MYT1L: variants seen among roughly 807,000 people sequenced by gnomAD.
MYT1L encodes myelin transcription factor 1 like.
Under a neutral mutation model 126.7 loss-of-function variants are expected in MYT1L, and 12 were observed. That is an observed-to-expected ratio of 0.09 (90% CI 0.06 to 0.15). The LOEUF (loss-of-function observed/expected upper bound fraction) is 0.15. Among genes scored for constraint, MYT1L ranks in the 10% least tolerant of loss-of-function variants. The probability of loss-of-function intolerance (pLI) is 1.00; values close to 1 mark genes in which losing one functional copy is unlikely to be tolerated. For synonymous variants in MYT1L, 541 were observed against 604.2 expected (o/e 0.90, Z 1.53); for missense variants, 979 against 1,585.2 (o/e 0.62, Z 6.49).
intron 3 of MYT1L, among the ~76,000 whole-genome samples, chr2:2,103,680 G>A (rs2078390040): frequency 6.6e-6 from 1 of 152,230 alleles, no homozygotes; most frequent in South Asian, 2.1e-4. Context: ...TACATGAGGG[G>A]CCTCTGCCTC....
chr2:1,997,469 C>T (rs1469555720), intron 4 of MYT1L, 122 bp from the exon 5 acceptor site: 1 of 152,472 alleles, frequency 6.6e-6, no homozygotes, highest in Non-Finnish European at 1.5e-5. Flanking sequence ...CTCCAGGAAC[C>T]AAATGTTCTC....
At chr2:2,149,458 C>A (rs531828819) in intron 3 of MYT1L, among the ~76,000 whole-genome samples, 16 of 152,320 alleles carry the variant, frequency 1.1e-4, no homozygotes, top group African/African-American at 3.8e-4. Flanking sequence ...TGCCCAAAGC[C>A]ACCTCGGCCA....
In MYT1L at chr2:2,224,031, A is replaced by G. The variant is rs1425479451; in HGVS notation, c.-420-51043T>C. Among the ~76,000 whole-genome samples, 4 of 152,170 alleles carry G rather than the reference A, an allele frequency of 2.6e-5. No homozygotes were observed. Among genetic ancestry groups the G allele is most frequent in the South Asian group, 4.1e-4 (2 of 4,830 alleles). ...GTGGAGTGTGTATGTTGTGTGAGGT[A>G]ACTTTAAGGTGTCCATCTAAATGCA... On this transcript the variant is annotated intron_variant, in intron 2 of 24. Transcript: ENST00000647738. This position sits in a 1 kb window ranked among gnomAD's most constrained non-coding sequence, Gnocchi z 4.0.
rs969453033 is a variant in MYT1L, at chr2:1,929,087, G to A, written c.506-5824C>T. 3.9e-5 allele frequency among the ~76,000 whole-genome samples: 6 copies of A among 152,176 alleles called. No homozygotes were observed. Among genetic ancestry groups the A allele is most frequent in the Non-Finnish European group, 7.4e-5 (5 of 68,026 alleles). ...CCCCTGGCCAGGACCAGGCGGAGAA[G>A]CGTGAGTTCATTTCCCTCTCGCTTC... On this transcript the variant is annotated intron_variant, in intron 9 of 24. Transcript: ENST00000647738. The surrounding 1 kb of genome is among the most constrained non-coding windows in gnomAD (Gnocchi z 4.7).
chr2:1,935,618 G>A (rs921748819), intron 9 of MYT1L, among the ~76,000 whole-genome samples: 4 of 152,186 alleles, frequency 2.6e-5, no homozygotes, highest in Non-Finnish European at 4.4e-5. Flanking sequence ...GGAAGGGCAC[G>A]TACTATTATC....
intron 3 of MYT1L, among the ~76,000 whole-genome samples, chr2:2,075,819 A>G (rs1217771602): frequency 6.6e-6 from 1 of 152,272 alleles, no homozygotes; most frequent in African/African-American, 2.4e-5. Context: ...TTCACCCAAG[A>G]GAAACTGGAA....
intron 3 of MYT1L, among the ~76,000 whole-genome samples, chr2:2,094,246 G>C (rs1260387325): frequency 6.6e-6 from 1 of 152,116 alleles, no homozygotes; most frequent in East Asian, 1.9e-4. Flanking sequence ...TTAGAATGGC[G>C]ATCATTAAAA....
At position 1,892,094 on chromosome 2, in the gene MYT1L, G is replaced by A. The variant is rs1419781243; in HGVS notation, c.2226C>T (p.Arg742=). 2 of 1,544,114 alleles carry A rather than the reference G, an allele frequency of 1.3e-6. No homozygotes were observed. Among genetic ancestry groups the A allele is most frequent in the Admixed American group, 2.0e-5 (1 of 50,958 alleles). The part of the protein sequence containing the change: ...AATAILNLST[R]CREMPQNLST... ...TCAGGTTCTGCGGCATCTCGCGGCA[G>A]CGCGTGGACAGGTTGAGGATGGCGG... Residue 742 remains arginine, a synonymous_variant, in exon 15 of 25, where the codon CGC becomes CGT. Transcript: ENST00000647738.
intron 2 of MYT1L, among the ~76,000 whole-genome samples, chr2:2,225,238 G>A (rs1290982963): frequency 6.6e-6 from 1 of 151,948 alleles, no homozygotes; most frequent in Admixed American, 6.6e-5. Flanking sequence ...ACCAACCCCA[G>A]GCCTCTTCCA....
At chr2:2,005,328 G>C (rs370369354) in intron 4 of MYT1L, among the ~76,000 whole-genome samples, 5,055 of 129,158 alleles carry the variant, frequency 0.039, 126 homozygotes, top group Non-Finnish European at 0.05. Context: ...TCCTGCGTGC[G>C]TTCTTTCCTG....
rs779748473 is a variant in MYT1L at position 1,798,253 on chromosome 2, T to TCCATCCGGCACAGGCGTGGCGGTCTTCC, written c.3276+3415_3276+3442dup. The stretch of plus-strand genomic sequence containing the variant: ...TCCGGCACAGGCGCGGCGGTCTCCC[T>TCCATCCGGCACAGGCGTGGCGGTCTTCC]CCATCCGGCACAGGCGTGGCGGTCT... On this transcript the variant is annotated intron_variant, in intron 23 of 24. Coordinates refer to ENST00000647738, the MANE Select transcript of MYT1L (RefSeq NM_001303052.2). Among the ~76,000 whole-genome samples the TCCATCCGGCACAGGCGTGGCGGTCTTCC allele has an allele frequency of 7.5e-3, 951 of 127,040 alleles. 9 individuals carry two copies. Among genetic ancestry groups the TCCATCCGGCACAGGCGTGGCGGTCTTCC allele is most frequent in the African/African-American group, 0.018 (608 of 33,164 alleles). 83.3% of individuals were successfully genotyped at this position (127,040 alleles called of 152,430 possible).
At chr2:2,267,011 G>A (rs1011767936) in intron 2 of MYT1L, among the ~76,000 whole-genome samples, 7 of 152,240 alleles carry the variant, frequency 4.6e-5, no homozygotes, top group African/African-American at 1.4e-4. Flanking sequence ...TAAGGAGTAC[G>A]TGGAGAGTGC....
intron 1 of MYT1L, among the ~76,000 whole-genome samples, chr2:2,299,875 G>T (rs1034953998): frequency 6.6e-6 from 1 of 151,960 alleles, no homozygotes. Context: ...TCTTACTTTG[G>T]CACTAGATCA....
chr2:2,059,502 C>T lies in MYT1L; in HGVS notation c.-303-5379G>A, dbSNP rs570461095. On this transcript the variant is annotated intron_variant, in intron 3 of 24. Coordinates refer to ENST00000647738, the MANE Select transcript of MYT1L (RefSeq NM_001303052.2). The surrounding 1 kb of genome is among the most constrained non-coding windows in gnomAD (Gnocchi z 4.7). ...AACCAGGTGCATTGCCCAGTGCTGG[C>T]GGCACTTCATCCCCACTGAGGGTGG... is the stretch of plus-strand genomic sequence containing the variant. Among the ~76,000 whole-genome samples, 15 of 152,284 alleles carry T rather than the reference C, an allele frequency of 9.9e-5. No homozygotes were observed. Among genetic ancestry groups the T allele is most frequent in the East Asian group, 1.9e-4 (1 of 5,174 alleles).
rs2034233578 is a variant in MYT1L at position 1,798,457 on chromosome 2, GAA to G, written c.3276+3237_3276+3238del. 2.6e-5 allele frequency among the ~76,000 whole-genome samples: 4 copies of G among 152,348 alleles called. No homozygotes were observed. In the South Asian group the frequency reaches 8.3e-4, roughly 32 times the overall value. ...CTTTCCTCCGCTCCCATTCCAGAGA[GAA>G]CATCAGGCCGTGGGCACCCACTTCT... On this transcript the variant is annotated intron_variant, in intron 23 of 24. Coordinates refer to ENST00000647738, the MANE Select transcript of MYT1L (RefSeq NM_001303052.2).
At chr2:2,205,377 A>G (rs2148860437) in intron 2 of MYT1L, among the ~76,000 whole-genome samples, 1 of 152,156 alleles carries the variant, frequency 6.6e-6, no homozygotes, top group East Asian at 1.9e-4. Flanking sequence ...TGAACCTTAA[A>G]CAATTCTTAA....
intron 5 of MYT1L, among the ~76,000 whole-genome samples, chr2:1,992,018 C>T (rs1409258361): frequency 6.6e-6 from 1 of 152,234 alleles, no homozygotes; most frequent in Non-Finnish European, 1.5e-5. Flanking sequence ...GCACTCCTTG[C>T]TGCCTCTGTC....
chr2:1,891,891 A>G (rs2148873692), intron 15 of MYT1L, 146 bp downstream of exon 15: 1 of 1,377,284 alleles, frequency 7.3e-7, no homozygotes, highest in Admixed American at 3.0e-5. Context: ...AGCTGCACTA[A>G]TTGTTCACAG....
At chr2:1,803,134 C>T (rs754293676) in intron 22 of MYT1L, among the ~76,000 whole-genome samples, 2 of 152,032 alleles carry the variant, frequency 1.3e-5, no homozygotes, top group Non-Finnish European at 2.9e-5. Context: ...GCCTTAGATG[C>T]GGCTTTTAGT....
Sources: allele counts gnomAD v4.1 joint callset (sites outside exome capture counted in the v4.1 genomes callset), GRCh38; gene constraint gnomAD v4.1.1; non-coding constraint Gnocchi (gnomAD v3.1); transcripts MANE v1.5; gene names NCBI Gene and HGNC (gene_info 2026-07-23, HGNC 2026-07-21).